The following PRKAB1 variants were observed in gnomAD, a reference collection of about 807,000 sequenced individuals.
PRKAB1 encodes the protein protein kinase AMP-activated non-catalytic subunit beta 1, also known as 5'-AMP-activated protein kinase subunit beta-1.
PRKAB1 carries 18 observed loss-of-function variants against 32.0 expected under a neutral mutation model. The observed-to-expected ratio is 0.56, with a 90% CI of 0.39 to 0.83. The LOEUF (loss-of-function observed/expected upper bound fraction) is 0.83. PRKAB1 is among the 40% of genes least tolerant of loss of function. PRKAB1 has a pLI of 0.00. For synonymous variants in PRKAB1, 141 were observed against 141.4 expected (o/e 1.00, Z 0.02); for missense variants, 263 against 352.6 (o/e 0.75, Z 2.03).
rs764334674 is a variant in PRKAB1, at chr12:119,679,404, C to T, written c.667-529C>T. 27 of 157,522 alleles carry T rather than the reference C, an allele frequency of 1.7e-4. No individual in the cohort carries two copies. The highest frequency in any genetic ancestry group is 3.8e-4 in the South Asian group (2 of 5,328). 9.8% of individuals were successfully genotyped at this position (157,522 alleles called of 1,614,324 possible). A position where few individuals can be genotyped will look rare whatever the true frequency, so the allele number is the denominator to read the frequency against. On this transcript the variant is annotated intron_variant, in intron 5 of 6. Transcript: ENST00000229328. This position sits in a 1 kb window ranked among gnomAD's most constrained non-coding sequence, Gnocchi z 4.1. ...GGGGGTATACAATGAAAAAATAAAT[C>T]CCGATTTCTGGCTTCTCTTAAAACA...
At chr12:119,675,838 T>C (rs1955420416) in intron 4 of PRKAB1, among the ~76,000 whole-genome samples, 1 of 152,172 alleles carries the variant, frequency 6.6e-6, no homozygotes. Context: ...ACCAGAACCA[T>C]CCCACGCGTT....
intron 1 of PRKAB1, among the ~76,000 whole-genome samples, chr12:119,668,921 CTT>C (rs1955362150): frequency 6.6e-6 from 1 of 152,114 alleles, no homozygotes; most frequent in Non-Finnish European, 1.5e-5. Flanking sequence ...CTGCCCAACA[CTT>C]TTGATTCACC....
rs760939482 is a variant in PRKAB1, at chr12:119,673,990, A to T, written c.350A>T (p.Asp117Val). ...CACAATAACTTTGTAGCCATCCTGGATCTGCCGGAAGGAGAGCATCAGTAC... is the reference window on the plus strand; with the variant it reads ...CACAATAACTTTGTAGCCATCCTGGTTCTGCCGGAAGGAGAGCATCAGTAC... ...RSHNNFVAIL[D>V]LPEGEHQYKF... Residue 117 changes from aspartate to valine, a missense_variant, in exon 3 of 7, where the codon GAT becomes GTT. Transcript: ENST00000229328. 1 of 1,613,832 alleles carries T rather than the reference A, an allele frequency of 6.2e-7. No individual in the cohort carries two copies. Among genetic ancestry groups the T allele is most frequent in the Non-Finnish European group, 8.5e-7 (1 of 1,179,908 alleles).
At position 119,681,195 on chromosome 12, in the gene PRKAB1, T is replaced by C. The variant is rs146361783; in HGVS notation, c.*870T>C. 1.3e-5 allele frequency: 2 copies of C among 152,410 alleles called. No individual in the cohort carries two copies. Among genetic ancestry groups the C allele is most frequent in the Non-Finnish European group, 2.9e-5 (2 of 68,046 alleles). The allele number at this position is 152,410 out of a possible 1,614,324, so 9.4% of individuals were successfully genotyped here. ...TGAAAACTTGAGAGGCACTCTGCCC[T>C]CTTCCCTATAAAATCACACAGCGTG... On this transcript the variant is annotated 3_prime_UTR_variant, in exon 7 of 7. Coordinates refer to ENST00000229328, the MANE Select transcript of PRKAB1 (RefSeq NM_006253.5).
intron 5 of PRKAB1, chr12:119,678,212 A>T (rs1467591027): frequency 3.3e-5 from 5 of 152,210 alleles, no homozygotes; most frequent in African/African-American, 1.2e-4. Flanking sequence ...ACTAAGCTCT[A>T]ATGTAAACTG....
chr12:119,672,628 G>A (rs573780770), intron 2 of PRKAB1, among the ~76,000 whole-genome samples, 164 bp downstream of exon 2: 26 of 151,186 alleles, frequency 1.7e-4, no homozygotes, highest in African/African-American at 5.9e-4. Context: ...AAACCTTGGT[G>A]GTCTCTAGGT....
chr12:119,672,244 A>G lies in PRKAB1; in HGVS notation c.160-57A>G, dbSNP rs1279215796. On this transcript the variant is annotated intron_variant, in intron 1 of 6. Coordinates refer to ENST00000229328, the MANE Select transcript of PRKAB1 (RefSeq NM_006253.5). ...TGCGTCTTTAGAATGAATTGTCAAT[A>G]TTGTCTGTTGTAGGGAGCTCGCTTA... The G allele has an allele frequency of 1.3e-5, 18 of 1,425,184 alleles. No homozygotes were observed. In the East Asian group the frequency reaches 2.9e-4, roughly 23 times the overall value. The allele number at this position is 1,425,184 out of a possible 1,614,324, so 88.3% of individuals were successfully genotyped here. A position where few individuals can be genotyped will look rare whatever the true frequency, so the allele number is the denominator to read the frequency against.
At chr12:119,676,349 C>T (rs1056926857) in intron 4 of PRKAB1, among the ~76,000 whole-genome samples, 188 bp from the exon 5 acceptor site, 12 of 152,200 alleles carry the variant, frequency 7.9e-5, no homozygotes, top group African/African-American at 2.9e-4. Context: ...ATGCTAGTCA[C>T]CCAGATTCCA....
chr12:119,668,684 CTTAA>C (rs1225616538), intron 1 of PRKAB1, among the ~76,000 whole-genome samples: 23 of 152,334 alleles, frequency 1.5e-4, no homozygotes, highest in East Asian at 5.8e-4. Flanking sequence ...GTTTCAAATT[CTTAA>C]TTAATTCAGA....
chr12:119,680,057 C>T, intron 6 of PRKAB1, 56 bp downstream of exon 6: 1 of 1,566,938 alleles, frequency 6.4e-7, no homozygotes, highest in Non-Finnish European at 8.8e-7. Context: ...GCTCTGAGGA[C>T]CCCCAGCAGT....
At chr12:119,672,918 C>T (rs891204347) in intron 2 of PRKAB1, among the ~76,000 whole-genome samples, 3 of 152,174 alleles carry the variant, frequency 2.0e-5, no homozygotes, top group African/African-American at 4.8e-5. Context: ...TTTGACTCTG[C>T]GTAATACTTT....
chr12:119,678,170 G>A (rs917478859), intron 5 of PRKAB1: 4 of 152,244 alleles, frequency 2.6e-5, no homozygotes, highest in African/African-American at 2.4e-5. Flanking sequence ...CTGGGAATAT[G>A]AGAATGTCAG....
intron 2 of PRKAB1, among the ~76,000 whole-genome samples, chr12:119,673,045 A>G (rs1260405763): frequency 6.6e-6 from 1 of 152,296 alleles, no homozygotes; most frequent in Non-Finnish European, 1.5e-5. Flanking sequence ...CCTGGGCAAC[A>G]TAGTGAGACC....
chr12:119,674,728 C>A lies in PRKAB1; in HGVS notation c.532+274C>A, dbSNP rs906721383. The stretch of plus-strand genomic sequence containing the variant: ...CAGAAATGGAACCATAGCTTGATCT[C>A]GTGCCAAGGGCAGGGCTGAAGAGGC... On this transcript the variant is annotated intron_variant, in intron 4 of 6. Transcript: ENST00000229328. The surrounding 1 kb of genome is among the most constrained non-coding windows in gnomAD (Gnocchi z 4.3). Among the ~76,000 whole-genome samples the A allele has an allele frequency of 2.0e-5, 3 of 152,204 alleles. No individual in the cohort carries two copies. Among genetic ancestry groups the A allele is most frequent in the Non-Finnish European group, 4.4e-5 (3 of 68,040 alleles).
Position 119,674,376 on chromosome 12 carries a change from A to G in PRKAB1, c.454A>G (p.Ile152Val). 2 of 1,614,192 alleles carry G rather than the reference A, an allele frequency of 1.2e-6. No individual in the cohort carries two copies. The highest frequency in any genetic ancestry group is 2.2e-5 in the South Asian group (2 of 91,080). ...CAGCCAGCTTGGCACAGTTAACAACATCATTCAAGTGAAGAAAACTGACTT... is the reference window on the plus strand; with the variant it reads ...CAGCCAGCTTGGCACAGTTAACAACGTCATTCAAGTGAAGAAAACTGACTT... ...VTSQLGTVNN[I>V]IQVKKTDFEV... The change falls in exon 4 of 7, where the codon ATC (isoleucine) becomes GTC (valine). Residue 152 changes from isoleucine (I) to valine (V), a missense_variant. Coordinates refer to ENST00000229328, the MANE Select transcript of PRKAB1 (RefSeq NM_006253.5). This position sits in a 1 kb window ranked among gnomAD's most constrained non-coding sequence, Gnocchi z 4.3.
intron 1 of PRKAB1, 124 bp downstream of exon 1, chr12:119,668,527 G>T (rs996174943): frequency 1.5e-6 from 2 of 1,332,356 alleles, no homozygotes; most frequent in Non-Finnish European, 2.0e-6. Context: ...TACATTACCC[G>T]GTGCACTTAA....
rs1955407721 is a variant in PRKAB1, at chr12:119,674,332, C to T, written c.418-8C>T. On this transcript the variant is annotated splice_region_variant and splice_polypyrimidine_tract_variant and intron_variant, in intron 3 of 6. Transcript: ENST00000229328. This position sits in a 1 kb window ranked among gnomAD's most constrained non-coding sequence, Gnocchi z 4.3. ...CGTTATGATTTCTGCCTATCTGTCTCTTCCCAGCCCATAGTAACCAGCCAG... is the reference window on the plus strand; with the variant it reads ...CGTTATGATTTCTGCCTATCTGTCTTTTCCCAGCCCATAGTAACCAGCCAG... 1.9e-6 allele frequency: 3 copies of T among 1,597,616 alleles called. No individual in the cohort carries two copies. Among genetic ancestry groups the T allele is most frequent in the Non-Finnish European group, 2.6e-6 (3 of 1,165,204 alleles).
chr12:119,672,399 G>A lies in PRKAB1; in HGVS notation c.258G>A (p.Gly86=), dbSNP rs778666745. 6.2e-7 allele frequency: 1 copy of A among 1,611,080 alleles called. No individual in the cohort carries two copies. Among genetic ancestry groups the A allele is most frequent in the Non-Finnish European group, 8.5e-7 (1 of 1,178,600 alleles). ...QARPTVFRWT[G]GGKEVYLSGS... is the part of the protein sequence containing the mutation. ...GGCCAACGGTGTTTCGATGGACGGG[G>A]GGCGGAAAGGAAGTTTACTTATCTG... The change falls in exon 2 of 7, where the codon GGG becomes GGA. Residue 86 remains glycine (G), a synonymous_variant. Coordinates refer to ENST00000229328, the MANE Select transcript of PRKAB1 (RefSeq NM_006253.5).
At chr12:119,670,142 C>T (rs73412143) in intron 1 of PRKAB1, among the ~76,000 whole-genome samples, 1 of 152,176 alleles carries the variant, frequency 6.6e-6, no homozygotes, top group Non-Finnish European at 1.5e-5. Context: ...TATTTCCAGC[C>T]GCAGGGCTCA....
Sources: allele counts gnomAD v4.1 joint callset (sites outside exome capture counted in the v4.1 genomes callset), GRCh38; gene constraint gnomAD v4.1.1; non-coding constraint Gnocchi (gnomAD v3.1); transcripts MANE v1.5; gene names NCBI Gene and HGNC (gene_info 2026-07-23, HGNC 2026-07-21).